Variants in FNDC1 observed in about 807,000 individuals in gnomAD.
The protein encoded by FNDC1 is fibronectin type III domain-containing protein 1.
Under a neutral mutation model 168.0 loss-of-function variants are expected in FNDC1, and 96 were observed. The observed-to-expected ratio is 0.57, with a 90% confidence interval of 0.48 to 0.68. The LOEUF (loss-of-function observed/expected upper bound fraction) is 0.68. FNDC1 is among the 30% of genes least tolerant of loss of function. The pLI is 0.00. For synonymous variants in FNDC1, 1,099 were observed against 1,025.9 expected, an observed-to-expected ratio of 1.07 and a Z score of -1.36; for missense variants, 2,587 against 2,482.1, an observed-to-expected ratio of 1.04 and a Z score of -0.90.
chr6:159,233,680 C>T lies in FNDC1; in HGVS notation c.3168C>T (p.Tyr1056=). The T allele has an allele frequency of 6.5e-7, 1 of 1,549,728 alleles. No individual in the cohort carries two copies. Among genetic ancestry groups the T allele is most frequent in the Non-Finnish European group, 8.7e-7 (1 of 1,147,346 alleles). ...QGRSHSSSDP[Y]TASSRGMLPT... Reference sequence around the variant, plus strand: ...GCTCCCACTCCTCCTCGGACCCTTACACGGCGAGCTCCAGAGGGATGCTCC... The same window carrying T: ...GCTCCCACTCCTCCTCGGACCCTTATACGGCGAGCTCCAGAGGGATGCTCC... Residue 1056 remains tyrosine, a synonymous_variant, in exon 11 of 23, where the codon TAC becomes TAT. Coordinates refer to ENST00000297267, the MANE Select transcript of FNDC1 (RefSeq NM_032532.3). The surrounding 1 kb of genome is among the most constrained non-coding windows in gnomAD (Gnocchi z 4.6).
chr6:159,180,600 A>G (rs1781858087), intron 1 of FNDC1, among the ~76,000 whole-genome samples: 1 of 152,052 alleles, frequency 6.6e-6, no homozygotes, highest in South Asian at 2.1e-4. Context: ...CCTGGCATGC[A>G]TTAGTTATTT....
At chr6:159,172,112 A>AT (rs1007874157) in intron 1 of FNDC1, among the ~76,000 whole-genome samples, 4 of 152,216 alleles carry the variant, frequency 2.6e-5, no homozygotes, top group African/African-American at 9.7e-5. Flanking sequence ...AAAATTATTA[A>AT]TTTTACCAAA....
At position 159,169,788 on chromosome 6, in the gene FNDC1, C is replaced by A; in HGVS notation, c.109+83C>A. ...TCGGGCCCCGTCGTCCCGCTCAGTG[C>A]TGGCTACGGGTCGTGTCACTAGCCT... On this transcript the variant is annotated intron_variant, in intron 1 of 22. Transcript: ENST00000297267. This position sits in a 1 kb window ranked among gnomAD's most constrained non-coding sequence, Gnocchi z 6.8. 6.5e-6 allele frequency: 3 copies of A among 464,486 alleles called. No homozygotes were observed. Among genetic ancestry groups the A allele is most frequent in the Non-Finnish European group, 9.2e-6 (3 of 327,230 alleles). The allele number at this position is 464,486 out of a possible 1,614,324, so 28.8% of individuals were successfully genotyped here. A position where few individuals can be genotyped will look rare whatever the true frequency, so the allele number is the denominator to read the frequency against.
At chr6:159,214,265 C>G (rs142814863) in intron 4 of FNDC1, among the ~76,000 whole-genome samples, 6 of 152,288 alleles carry the variant, frequency 3.9e-5, no homozygotes, top group Non-Finnish European at 8.8e-5. Flanking sequence ...AAGTATTGAT[C>G]ACCAGAATAC....
intron 6 of FNDC1, among the ~76,000 whole-genome samples, chr6:159,222,873 T>A (rs1035555421): frequency 3.3e-5 from 5 of 152,170 alleles, no homozygotes; most frequent in Non-Finnish European, 7.3e-5. Context: ...GCTTACAGTG[T>A]ATATTGAGAA....
At chr6:159,209,539 T>A (rs114815965) in intron 4 of FNDC1, among the ~76,000 whole-genome samples, 3,435 of 152,300 alleles carry the variant, frequency 0.023, 122 homozygotes, top group African/African-American at 0.078. Flanking sequence ...TGGCATTTCC[T>A]GGGGCTTCCT....
At chr6:159,181,805 A>G (rs947898935) in intron 1 of FNDC1, among the ~76,000 whole-genome samples, 1 of 152,106 alleles carries the variant, frequency 6.6e-6, no homozygotes, top group Non-Finnish European at 1.5e-5. Flanking sequence ...TCTAATTGAG[A>G]CTTCCAGGTC....
chr6:159,197,506 C>A lies in FNDC1; in HGVS notation c.185C>A (p.Pro62His). The change falls in exon 2 of 23, where the codon CCC becomes CAC. Residue 62 changes from proline (P) to histidine (H), a missense_variant. By Grantham distance (77) the Pro-to-His change is moderately conservative. Coordinates refer to ENST00000297267, the MANE Select transcript of FNDC1 (RefSeq NM_032532.3). ...KMGLKVTWDP[P>H]KDATSRPVEH... ...GGCCTGAAAGTCACGTGGGACCCAC[C>A]CAAAGATGCTACCAGTAGACCTGTG... 1 of 1,613,952 alleles carries A rather than the reference C, an allele frequency of 6.2e-7. No homozygotes were observed. The highest frequency in any genetic ancestry group is 1.1e-5 in the South Asian group (1 of 91,062).
chr6:159,249,992 A>G (rs1362641010), intron 16 of FNDC1, among the ~76,000 whole-genome samples: 2 of 152,240 alleles, frequency 1.3e-5, no homozygotes, highest in African/African-American at 2.4e-5. Context: ...TTCCTGAGGC[A>G]GACACTAACA....
At chr6:159,185,184 T>A (rs1251043005) in intron 1 of FNDC1, among the ~76,000 whole-genome samples, 1 of 152,072 alleles carries the variant, frequency 6.6e-6, no homozygotes, top group East Asian at 1.9e-4. Flanking sequence ...TTCAGCCAGA[T>A]CTGATGGTGG....
intron 1 of FNDC1, among the ~76,000 whole-genome samples, chr6:159,174,528 C>A (rs1055319209): frequency 2.0e-5 from 3 of 152,258 alleles, no homozygotes; most frequent in Non-Finnish European, 4.4e-5. Flanking sequence ...GCTGTCGCTG[C>A]GGCTTTATAG....
chr6:159,246,579 G>A (rs1777136333), intron 14 of FNDC1, among the ~76,000 whole-genome samples: 1 of 152,236 alleles, frequency 6.6e-6, no homozygotes, highest in South Asian at 2.1e-4. Context: ...CAGGCATGCG[G>A]GCGAGTGGGC....
chr6:159,260,867 A>T (rs538792), intron 18 of FNDC1, among the ~76,000 whole-genome samples: 25,216 of 152,244 alleles, frequency 0.17, 2,363 homozygotes, highest in East Asian at 0.37. Context: ...CTCACCAGGG[A>T]TGAGCTCAGG....
intron 4 of FNDC1, among the ~76,000 whole-genome samples, chr6:159,203,368 C>T (rs138798891): frequency 7.5e-4 from 114 of 152,208 alleles, no homozygotes; most frequent in African/African-American, 2.6e-3. Context: ...AAGTTGAGAT[C>T]GTAAGAGACT....
chr6:159,260,085 G>T (rs1042617685), intron 18 of FNDC1, among the ~76,000 whole-genome samples: 6 of 152,186 alleles, frequency 3.9e-5, no homozygotes, highest in South Asian at 4.1e-4. Context: ...ATCAAATAAA[G>T]AATTTTATAA....
intron 18 of FNDC1, among the ~76,000 whole-genome samples, chr6:159,257,564 C>T (rs1356760724): frequency 6.6e-6 from 1 of 152,158 alleles, no homozygotes; most frequent in East Asian, 1.9e-4. Flanking sequence ...ATTTTCTACA[C>T]AGGCCGAGGA....
At chr6:159,206,534 G>C (rs1782490337) in intron 4 of FNDC1, among the ~76,000 whole-genome samples, 1 of 152,192 alleles carries the variant, frequency 6.6e-6, no homozygotes, top group African/African-American at 2.4e-5. Context: ...CCCCATACCT[G>C]TGCTTGGTAG....
intron 1 of FNDC1, among the ~76,000 whole-genome samples, chr6:159,185,676 G>T (rs949350269): frequency 2.0e-5 from 3 of 152,156 alleles, no homozygotes; most frequent in African/African-American, 7.2e-5. Flanking sequence ...AAGGAGGAAG[G>T]TACAAAAGGC....
intron 22 of FNDC1, among the ~76,000 whole-genome samples, chr6:159,269,156 C>G (rs1438604564): frequency 7.0e-6 from 1 of 142,650 alleles, no homozygotes; most frequent in Non-Finnish European, 1.5e-5. Flanking sequence ...ATCCATCTGT[C>G]TATGTATGTA....
Sources: allele counts gnomAD v4.1 joint callset (sites outside exome capture counted in the v4.1 genomes callset), GRCh38; gene constraint gnomAD v4.1.1; non-coding constraint Gnocchi (gnomAD v3.1); transcripts MANE v1.5; gene names NCBI Gene and HGNC (gene_info 2026-07-23, HGNC 2026-07-21).